CFAP52: variants seen among roughly 807,000 people sequenced by gnomAD.
The protein encoded by CFAP52 is cilia and flagella associated protein 52.
Under a neutral mutation model 70.5 loss-of-function variants are expected in CFAP52, and 57 were observed. The observed-to-expected ratio is 0.81, with a 90% CI of 0.65 to 1.01. CFAP52 has a LOEUF of 1.01. Among genes scored for constraint, CFAP52 ranks in the 50% least tolerant of loss-of-function variants. The pLI, the probability that CFAP52 is intolerant of heterozygous loss-of-function variation, is 0.00. For missense variants in CFAP52, 785 were observed against 788.5 expected (o/e 1.00, Z 0.05); for synonymous variants, 267 against 292.5 (o/e 0.91, Z 0.89).
chr17:9,608,630 A>G (rs1489315410), intron 7 of CFAP52, among the ~76,000 whole-genome samples: 2 of 152,226 alleles, frequency 1.3e-5, no homozygotes, highest in African/African-American at 4.8e-5. Context: ...TGTGTTAATC[A>G]TGCATTTGAA....
At chr17:9,610,029 C>CAG (rs950500357) in intron 7 of CFAP52, among the ~76,000 whole-genome samples, 14 of 151,168 alleles carry the variant, frequency 9.3e-5, no homozygotes, top group Non-Finnish European at 1.8e-4. Flanking sequence ...CAGAGAGAGA[C>CAG]AGAGAGAGAG....
At chr17:9,617,120 A>G (rs1413228549) in intron 8 of CFAP52, among the ~76,000 whole-genome samples, 1 of 70,620 alleles carries the variant, frequency 1.4e-5, no homozygotes, top group African/African-American at 1.1e-4. Flanking sequence ...AGAAGAATGT[A>G]TAACTAGAAT....
intron 8 of CFAP52, among the ~76,000 whole-genome samples, chr17:9,614,641 T>C (rs1054274535): frequency 2.0e-5 from 3 of 152,254 alleles, no homozygotes; most frequent in Admixed American, 2.0e-4. Context: ...AAAGGACTTC[T>C]GGGAAAAATT....
chr17:9,614,890 A>G (rs1204507679), intron 8 of CFAP52, among the ~76,000 whole-genome samples: 2 of 152,204 alleles, frequency 1.3e-5, no homozygotes, highest in Non-Finnish European at 1.5e-5. Context: ...GGGTTAGGCC[A>G]GACCTCTTAC....
chr17:9,643,026 G>A lies in CFAP52; in HGVS notation c.1691G>A (p.Gly564Glu). The stretch of plus-strand genomic sequence containing the variant: ...TATACGTGTTTATCTTTTTCAGGTG[G>A]AAATGACCATCTGGTCAAAGTTTGG... ...TQEGVHFVTG[G>E]NDHLVKVWDY... Residue 564 changes from glycine to glutamate, a missense_variant, in exon 14 of 14, where the codon GGA (glycine) becomes GAA (glutamate). Transcript: ENST00000352665. The A allele has an allele frequency of 1.3e-6, 2 of 1,597,176 alleles. No individual in the cohort carries two copies. Among genetic ancestry groups the A allele is most frequent in the Non-Finnish European group, 1.7e-6 (2 of 1,171,900 alleles).
At chr17:9,632,830 T>C in intron 9 of CFAP52, 58 bp from the exon 10 acceptor site, 1 of 1,580,472 alleles carries the variant, frequency 6.3e-7, no homozygotes, top group Non-Finnish European at 8.6e-7. Context: ...GCCAGCAGAC[T>C]GTGGAGAGAG....
At chr17:9,579,628 T>C (rs1908122920) in intron 1 of CFAP52, among the ~76,000 whole-genome samples, 1 of 152,182 alleles carries the variant, frequency 6.6e-6, no homozygotes, top group Non-Finnish European at 1.5e-5. Context: ...AGTGCAGTGG[T>C]GCGATCTCAG....
intron 12 of CFAP52, among the ~76,000 whole-genome samples, chr17:9,640,884 C>T (rs181066084): frequency 8.5e-5 from 13 of 152,208 alleles, no homozygotes; most frequent in East Asian, 1.9e-4. Flanking sequence ...CCTCAAGCAA[C>T]GGGCCCAACT....
chr17:9,592,003 G>A (rs994083117), intron 3 of CFAP52, among the ~76,000 whole-genome samples: 1 of 152,140 alleles, frequency 6.6e-6, no homozygotes. Flanking sequence ...CCCTCACCTT[G>A]AAGATTCTAC....
At chr17:9,622,576 G>GAAA (rs1910085465) in intron 8 of CFAP52, among the ~76,000 whole-genome samples, 1 of 150,080 alleles carries the variant, frequency 6.7e-6, no homozygotes, top group African/African-American at 2.5e-5. Context: ...AGAAGAAGAT[G>GAAA]ATGATGATGA....
At chr17:9,615,795 CTTTTTTTT>C (rs1190663709) in intron 8 of CFAP52, among the ~76,000 whole-genome samples, 3 of 67,422 alleles carry the variant, frequency 4.4e-5, no homozygotes, top group South Asian at 7.8e-4. Context: ...AAAAAAAATT[CTTTTTTTT>C]TTTTTTTTTT....
At chr17:9,627,082 T>A (rs189540750) in intron 8 of CFAP52, among the ~76,000 whole-genome samples, 1 of 152,192 alleles carries the variant, frequency 6.6e-6, no homozygotes, top group East Asian at 1.9e-4. Flanking sequence ...TTTTGACACA[T>A]TGGTAATTTA....
chr17:9,590,292 C>T (rs552629058), intron 3 of CFAP52: 2 of 186,820 alleles, frequency 1.1e-5, no homozygotes, highest in South Asian at 2.5e-4. Context: ...GGTGTTTTCC[C>T]ATCATCCAGC....
chr17:9,635,258 A>C (rs73975760), intron 10 of CFAP52, 147 bp from the exon 11 acceptor site: 3 of 1,092,206 alleles, frequency 2.7e-6, no homozygotes, highest in Non-Finnish European at 3.8e-6. Context: ...TCAACTTAGC[A>C]TTCACACCCC....
At chr17:9,604,123 A>T (rs1909386555) in intron 6 of CFAP52, among the ~76,000 whole-genome samples, 1 of 152,198 alleles carries the variant, frequency 6.6e-6, no homozygotes, top group Non-Finnish European at 1.5e-5. Context: ...AAGCCTAGAC[A>T]CAGACCTTAT....
chr17:9,609,421 G>T (rs1249540896), intron 7 of CFAP52, among the ~76,000 whole-genome samples: 1 of 152,166 alleles, frequency 6.6e-6, no homozygotes. Context: ...GAGGCCAGGT[G>T]CAGTGGCTCA....
intron 8 of CFAP52, among the ~76,000 whole-genome samples, chr17:9,614,213 T>A (rs1909822781): frequency 6.7e-6 from 1 of 148,186 alleles, no homozygotes; most frequent in Non-Finnish European, 1.5e-5. Flanking sequence ...TGGAGTGCAG[T>A]GGCACGATCT....
At chr17:9,622,902 C>T (rs1910103084) in intron 8 of CFAP52, among the ~76,000 whole-genome samples, 1 of 152,044 alleles carries the variant, frequency 6.6e-6, no homozygotes, top group Non-Finnish European at 1.5e-5. Flanking sequence ...TGCTTTTGAA[C>T]TTTATGTAAA....
At chr17:9,629,746 G>A (rs1693771285) in intron 9 of CFAP52, among the ~76,000 whole-genome samples, 1 of 151,672 alleles carries the variant, frequency 6.6e-6, no homozygotes, top group African/African-American at 2.4e-5. Context: ...GTGTCATCAC[G>A]ATGGGCTAAT....
Sources: gnomAD v4.1 joint callset for allele counts (sites outside exome capture counted in the v4.1 genomes callset) on GRCh38, gnomAD v4.1.1 for gene constraint, MANE v1.5 for transcripts, NCBI Gene and HGNC (gene_info 2026-07-23, HGNC 2026-07-21) for gene names.